Variants in UBA2 observed in about 807,000 individuals in gnomAD.
UBA2 encodes the protein ubiquitin like modifier activating enzyme 2, also known as SUMO-activating enzyme subunit 2.
In UBA2, 11 loss-of-function variants were observed where a neutral mutation model predicts 77.2. The observed-to-expected ratio is 0.14, with a 90% CI of 0.09 to 0.24. The LOEUF (loss-of-function observed/expected upper bound fraction) is 0.24, where lower values mean the gene tolerates loss of function less well. UBA2 is among the 10% of genes least tolerant of loss of function. The pLI, the probability that UBA2 is intolerant of heterozygous loss-of-function variation, is 1.00. For synonymous variants in UBA2, 278 were observed against 276.7 expected, an observed-to-expected ratio of 1.00 and a Z score of -0.05; for missense variants, 487 against 781.7, an observed-to-expected ratio of 0.62 and a Z score of 4.50.
At chr19:34,431,994 C>A in intron 3 of UBA2, 63 bp downstream of exon 3, 1 of 1,183,714 alleles carries the variant, frequency 8.4e-7, no homozygotes, top group East Asian at 2.4e-5. Context: ...TATATAAGCT[C>A]AAAGTCATTC....
intron 3 of UBA2, 48 bp from the exon 4 acceptor site, chr19:34,433,300 T>C (rs961305780): frequency 5.4e-6 from 7 of 1,301,950 alleles, no homozygotes; most frequent in Non-Finnish European, 6.6e-6. Flanking sequence ...GCAAAGATCA[T>C]GTGGAAGGCT....
intron 10 of UBA2, among the ~76,000 whole-genome samples, chr19:34,452,646 T>C (rs2075514139): frequency 6.6e-6 from 1 of 152,230 alleles, no homozygotes; most frequent in Non-Finnish European, 1.5e-5. Flanking sequence ...AGTTATGTCA[T>C]CTTTTGAGAT....
chr19:34,459,015 C>T, intron 13 of UBA2, 91 bp downstream of exon 13: 1 of 1,341,684 alleles, frequency 7.5e-7, no homozygotes, highest in Middle Eastern at 1.9e-4. Flanking sequence ...TGAAAAGGTC[C>T]AACTGCAGAG....
chr19:34,458,138 A>G (rs1321725763), intron 12 of UBA2, among the ~76,000 whole-genome samples: 1 of 152,212 alleles, frequency 6.6e-6, no homozygotes, highest in Non-Finnish European at 1.5e-5. Context: ...TGATGGCACC[A>G]CAGATTAACA....
chr19:34,453,166 A>G (rs1010496113), intron 10 of UBA2, among the ~76,000 whole-genome samples: 6 of 152,292 alleles, frequency 3.9e-5, no homozygotes, highest in Non-Finnish European at 8.8e-5. Flanking sequence ...AATTTCCCCT[A>G]TTTAATAGAT....
In UBA2 at chr19:34,456,100, C is replaced by CTTTTCTTT. The variant is rs2075557152; in HGVS notation, c.1245+1548_1245+1549insCTTTTTTT. The stretch of plus-strand genomic sequence containing the variant: ...CCCGATGCGCTCTTTTTTTCCTTTT[C>CTTTTCTTT]TTTTTCTTTTTTTTTTTTTTTTTTG... On this transcript the variant is annotated intron_variant, in intron 12 of 16. Coordinates refer to ENST00000246548, the MANE Select transcript of UBA2 (RefSeq NM_005499.3). Among the ~76,000 whole-genome samples, 12 of 55,798 alleles carry CTTTTCTTT rather than the reference C, an allele frequency of 2.2e-4. 1 individual carries two copies. The highest frequency in any genetic ancestry group is 7.7e-4 in the South Asian group (1 of 1,304). The allele number at this position is 55,798 out of a possible 152,430, so 36.6% of individuals were successfully genotyped here. A position where few individuals can be genotyped will look rare whatever the true frequency, so the allele number is the denominator to read the frequency against.
intron 5 of UBA2, among the ~76,000 whole-genome samples, chr19:34,438,409 T>C (rs1246109172): frequency 2.6e-5 from 4 of 152,230 alleles, no homozygotes; most frequent in Admixed American, 2.0e-4. Flanking sequence ...TTGTAAGTCA[T>C]GTTCACTGAA....
At chr19:34,468,156 A>G (rs922762180) in intron 16 of UBA2, among the ~76,000 whole-genome samples, 19 of 152,290 alleles carry the variant, frequency 1.2e-4, no homozygotes, top group African/African-American at 4.3e-4. Context: ...TAGTTAGGAA[A>G]CTAAAGGTTA....
At chr19:34,465,983 A>G (rs1160355609) in intron 15 of UBA2, among the ~76,000 whole-genome samples, 1 of 152,124 alleles carries the variant, frequency 6.6e-6, no homozygotes, top group Non-Finnish European at 1.5e-5. Context: ...GCTTGTAAAG[A>G]TGGGGGGACC....
rs748104362 is a variant in UBA2, at chr19:34,450,370, G to T, written c.871+6G>T. ...GGCTGAAGTACAAAGTCAAGGTAAAGAATACATTTTAGTCTTGGAACACCT... is the reference window on the plus strand; with the variant it reads ...GGCTGAAGTACAAAGTCAAGGTAAATAATACATTTTAGTCTTGGAACACCT... On this transcript the variant is annotated splice_donor_region_variant and intron_variant, in intron 9 of 16. Coordinates refer to ENST00000246548, the MANE Select transcript of UBA2 (RefSeq NM_005499.3). 12 of 1,587,384 alleles carry T rather than the reference G, an allele frequency of 7.6e-6. No individual in the cohort carries two copies. The highest frequency in any genetic ancestry group is 1.0e-5 in the Non-Finnish European group (12 of 1,169,478).
At chr19:34,451,946 A>G (rs748713203) in intron 9 of UBA2, 35 bp from the exon 10 acceptor site, 25 of 1,249,546 alleles carry the variant, frequency 2.0e-5, no homozygotes, top group Non-Finnish European at 2.7e-5. Context: ...GATGTTAATT[A>G]GTGAAATTTC....
At chr19:34,438,915 T>C in intron 6 of UBA2, 149 bp downstream of exon 6, 2 of 1,155,614 alleles carry the variant, frequency 1.7e-6, no homozygotes, top group Non-Finnish European at 2.4e-6. Flanking sequence ...ATTTCTTAGG[T>C]TAAATGTAGC....
intron 4 of UBA2, 69 bp downstream of exon 4, chr19:34,433,481 T>G: frequency 9.5e-7 from 1 of 1,055,674 alleles, no homozygotes; most frequent in South Asian, 1.4e-5. Flanking sequence ...GTTTACAAAT[T>G]TAATATTTAT....
At chr19:34,433,592 C>A (rs182372775) in intron 4 of UBA2, among the ~76,000 whole-genome samples, 180 bp downstream of exon 4, 1 of 152,010 alleles carries the variant, frequency 6.6e-6, no homozygotes, top group Non-Finnish European at 1.5e-5. Context: ...TTATTCCAGG[C>A]GGGAATTTAG....
intron 8 of UBA2, among the ~76,000 whole-genome samples, chr19:34,446,436 G>T (rs766523011): frequency 6.6e-5 from 10 of 152,016 alleles, no homozygotes; most frequent in Non-Finnish European, 1.0e-4. Flanking sequence ...CTTCAGACAG[G>T]ATTTTCGTCT....
At chr19:34,431,270 G>A (rs10469318) in intron 2 of UBA2, among the ~76,000 whole-genome samples, 2 of 23,618 alleles carry the variant, frequency 8.5e-5, no homozygotes, top group Non-Finnish European at 1.9e-4. Context: ...TTTTTTTTTA[G>A]AGATAGGGTC....
chr19:34,437,667 A>G (rs1599894534), intron 5 of UBA2, among the ~76,000 whole-genome samples: 1 of 152,194 alleles, frequency 6.6e-6, no homozygotes, highest in Non-Finnish European at 1.5e-5. Flanking sequence ...ATGAAAGATG[A>G]TTCATTTGAT....
At chr19:34,446,031 C>T (rs1030111360) in intron 8 of UBA2, among the ~76,000 whole-genome samples, 2 of 151,452 alleles carry the variant, frequency 1.3e-5, no homozygotes, top group African/African-American at 4.9e-5. Flanking sequence ...CTCTTTTTTT[C>T]CTTTTTGTGG....
intron 10 of UBA2, among the ~76,000 whole-genome samples, chr19:34,453,624 A>C (rs1034268799): frequency 6.6e-6 from 1 of 151,104 alleles, no homozygotes; most frequent in African/African-American, 2.4e-5. Context: ...CCCGGGTTCA[A>C]GTGATCCCGC....
Sources: allele counts gnomAD v4.1 joint callset (sites outside exome capture counted in the v4.1 genomes callset), GRCh38; gene constraint gnomAD v4.1.1; transcripts MANE v1.5; gene names NCBI Gene and HGNC (gene_info 2026-07-23, HGNC 2026-07-21).